The following TBL1XR1 variants were observed in gnomAD, a reference collection of about 807,000 sequenced individuals.
TBL1XR1 encodes TBL1X/Y related 1.
TBL1XR1 carries 5 observed loss-of-function variants against 66.9 expected under a neutral mutation model. That is an observed-to-expected ratio of 0.07 (90% CI 0.04 to 0.16). The LOEUF is 0.16. TBL1XR1 is among the 10% of genes least tolerant of loss of function. TBL1XR1 has a pLI of 1.00. For synonymous variants in TBL1XR1, 210 were observed against 206.0 expected (o/e 1.02, Z -0.17); for missense variants, 238 against 623.2 (o/e 0.38, Z 6.58).
intron 1 of TBL1XR1, among the ~76,000 whole-genome samples, chr3:177,180,925 G>A (rs556743997): frequency 6.6e-6 from 1 of 152,004 alleles, no homozygotes; most frequent in Admixed American, 6.6e-5. Flanking sequence ...AAAGACGGGG[G>A]TTTCACCATG....
chr3:177,148,085 GTTATT>G (rs1159119333), intron 1 of TBL1XR1, among the ~76,000 whole-genome samples: 1 of 152,160 alleles, frequency 6.6e-6, no homozygotes, highest in African/African-American at 2.4e-5. Flanking sequence ...AAACAAGTCC[GTTATT>G]TTATAATTTT....
intron 10 of TBL1XR1, among the ~76,000 whole-genome samples, chr3:177,041,464 TCTTCA>T (rs1255078220): frequency 6.6e-6 from 1 of 152,224 alleles, no homozygotes; most frequent in East Asian, 1.9e-4. Context: ...TTCCCATATT[TCTTCA>T]CTTATTTCTC....
At chr3:177,059,675 T>C (rs922881388) in intron 3 of TBL1XR1, among the ~76,000 whole-genome samples, 2 of 152,154 alleles carry the variant, frequency 1.3e-5, no homozygotes, top group African/African-American at 4.8e-5. Flanking sequence ...GAAGCCTACA[T>C]GTATTATCCT....
In TBL1XR1 at chr3:177,021,933, T is replaced by C. The variant is rs1712433260; in HGVS notation, c.*3565A>G. 6.6e-6 allele frequency: 1 copy of C among 152,628 alleles called. No individual in the cohort carries two copies. 9.5% of individuals were successfully genotyped at this position (152,628 alleles called of 1,614,324 possible). ...GAGATTTATTTCTCTACTTAGCTAGTAAAACTTGTCATTTTTGCTCACTTA... is the reference window on the plus strand; with the variant it reads ...GAGATTTATTTCTCTACTTAGCTAGCAAAACTTGTCATTTTTGCTCACTTA... On this transcript the variant is annotated 3_prime_UTR_variant, in exon 16 of 16. Coordinates refer to ENST00000457928, the MANE Select transcript of TBL1XR1 (RefSeq NM_024665.7).
intron 2 of TBL1XR1, among the ~76,000 whole-genome samples, chr3:177,094,409 T>C (rs1475688465): frequency 6.6e-6 from 1 of 152,206 alleles, no homozygotes; most frequent in Non-Finnish European, 1.5e-5. Flanking sequence ...TGGAAATCAA[T>C]GTGGAGATTC....
At chr3:177,034,616 G>A (rs1206707743) in intron 12 of TBL1XR1, among the ~76,000 whole-genome samples, 1 of 152,044 alleles carries the variant, frequency 6.6e-6, no homozygotes, top group Non-Finnish European at 1.5e-5. Flanking sequence ...ATCCTAAAAT[G>A]TTGAAGGCAC....
At chr3:177,095,766 A>C (rs1199059928) in intron 2 of TBL1XR1, among the ~76,000 whole-genome samples, 5 of 152,192 alleles carry the variant, frequency 3.3e-5, no homozygotes, top group African/African-American at 1.2e-4. Flanking sequence ...TATAGGCATG[A>C]GGCACTGCAC....
intron 1 of TBL1XR1, among the ~76,000 whole-genome samples, chr3:177,131,194 G>A (rs530392172): frequency 2.0e-5 from 3 of 151,726 alleles, no homozygotes; most frequent in South Asian, 4.2e-4. Flanking sequence ...CATGTCAAGC[G>A]TAGGAGACAC....
chr3:177,112,928 G>A (rs1359068757), intron 1 of TBL1XR1, among the ~76,000 whole-genome samples: 1 of 152,026 alleles, frequency 6.6e-6, no homozygotes, highest in Non-Finnish European at 1.5e-5. Context: ...GCTTGAATCT[G>A]AAAGGCGGAG....
chr3:177,179,413 T>C (rs1417093824), intron 1 of TBL1XR1, among the ~76,000 whole-genome samples: 30 of 152,230 alleles, frequency 2.0e-4, no homozygotes, highest in Admixed American at 1.9e-3. Context: ...TATGAGCCTA[T>C]TCCGGATACA....
chr3:177,189,852 T>G (rs1305919128), intron 1 of TBL1XR1, among the ~76,000 whole-genome samples: 1 of 151,976 alleles, frequency 6.6e-6, no homozygotes, highest in Non-Finnish European at 1.5e-5. Flanking sequence ...AAATTAATAG[T>G]AATGGCTCAA....
At chr3:177,137,264 G>A (rs114942853) in intron 1 of TBL1XR1, among the ~76,000 whole-genome samples, 1,977 of 151,958 alleles carry the variant, frequency 0.013, 38 homozygotes, top group African/African-American at 0.045. Context: ...AGGCCAAGAC[G>A]GGGGATTGCT....
intron 2 of TBL1XR1, among the ~76,000 whole-genome samples, chr3:177,068,240 C>T (rs1719420682): frequency 6.6e-6 from 1 of 152,168 alleles, no homozygotes; most frequent in African/African-American, 2.4e-5. Context: ...CTGAGATCCT[C>T]CCAAAAATTA....
At chr3:177,048,702 G>T (rs1716642788) in intron 7 of TBL1XR1, among the ~76,000 whole-genome samples, 2 of 152,156 alleles carry the variant, frequency 1.3e-5, no homozygotes, top group African/African-American at 4.8e-5. Flanking sequence ...AAATCTCACA[G>T]GCTCTCTTGC....
At chr3:177,069,191 T>C (rs955099117) in intron 2 of TBL1XR1, among the ~76,000 whole-genome samples, 2 of 152,166 alleles carry the variant, frequency 1.3e-5, no homozygotes, top group Admixed American at 6.5e-5. Flanking sequence ...CAGAGTTGTA[T>C]ATAGGAACCT....
At position 177,022,253 on chromosome 3, in the gene TBL1XR1, T is replaced by C. The variant is rs1712480375; in HGVS notation, c.*3245A>G. The C allele has an allele frequency of 6.6e-6, 1 of 152,564 alleles. No individual in the cohort carries two copies. Among genetic ancestry groups the C allele is most frequent in the African/African-American group, 2.4e-5 (1 of 41,450 alleles). 9.5% of individuals were successfully genotyped at this position (152,564 alleles called of 1,614,324 possible). On this transcript the variant is annotated 3_prime_UTR_variant, in exon 16 of 16. Coordinates refer to ENST00000457928, the MANE Select transcript of TBL1XR1 (RefSeq NM_024665.7). ...AGTGATTACTTTTTGCACCATAATT[T>C]GTTTTTTACACCACAAAAGGAGGCA...
At chr3:177,068,474 T>G (rs1719449646) in intron 2 of TBL1XR1, among the ~76,000 whole-genome samples, 1 of 152,252 alleles carries the variant, frequency 6.6e-6, no homozygotes, top group Non-Finnish European at 1.5e-5. Context: ...ATCATTTTAC[T>G]GCATAACTTT....
At chr3:177,130,072 G>T (rs1728101211) in intron 1 of TBL1XR1, among the ~76,000 whole-genome samples, 1 of 150,562 alleles carries the variant, frequency 6.6e-6, no homozygotes, top group African/African-American at 2.5e-5. Flanking sequence ...TTGAACCCAG[G>T]AGGCGGAGGT....
chr3:177,129,763 A>G (rs1728063711), intron 1 of TBL1XR1, among the ~76,000 whole-genome samples: 1 of 152,206 alleles, frequency 6.6e-6, no homozygotes. Context: ...AAGTTTTATA[A>G]CACTCTATAG....
Sources: allele counts gnomAD v4.1 joint callset (sites outside exome capture counted in the v4.1 genomes callset), GRCh38; gene constraint gnomAD v4.1.1; transcripts MANE v1.5; gene names NCBI Gene and HGNC (gene_info 2026-07-23, HGNC 2026-07-21).